MMP26: variants seen among roughly 807,000 people sequenced by gnomAD.
The protein encoded by MMP26 is matrix metalloproteinase-26.
MMP26 carries 33 observed loss-of-function variants against 31.0 expected under a neutral mutation model. That is an observed-to-expected ratio of 1.06 (90% CI 0.81 to 1.42). The LOEUF is 1.42. Among genes scored for constraint, MMP26 ranks in the 40% most tolerant of loss-of-function variants. MMP26 has a pLI of 0.00. For missense variants in MMP26, 347 were observed against 316.1 expected (o/e 1.10, Z -0.74); for synonymous variants, 122 against 114.9 (o/e 1.06, Z -0.40).
chr11:4,946,879 A>C (rs1364078693), intron 2 of MMP26: 1 of 1,606,088 alleles, frequency 6.2e-7, no homozygotes, highest in East Asian at 2.2e-5. Flanking sequence ...ATAAAGACAA[A>C]CCCAAGTCTG....
intron 2 of MMP26, among the ~76,000 whole-genome samples, chr11:4,910,393 A>C (rs927292351): frequency 5.3e-5 from 8 of 152,126 alleles, no homozygotes; most frequent in Non-Finnish European, 4.4e-5. Flanking sequence ...CAGTCTGCAA[A>C]GTATCATTTT....
chr11:4,821,241 T>C, intron 2 of MMP26: 2 of 685,014 alleles, frequency 2.9e-6, no homozygotes, highest in South Asian at 3.7e-5. Context: ...TGTGAAACAC[T>C]GACAGACTTG....
chr11:4,891,864 G>T (rs1850628583), intron 2 of MMP26, among the ~76,000 whole-genome samples: 1 of 152,068 alleles, frequency 6.6e-6, no homozygotes, highest in African/African-American at 2.4e-5. Context: ...AGATGAAGTG[G>T]GTTGGTACTG....
intron 2 of MMP26, among the ~76,000 whole-genome samples, chr11:4,770,567 C>T (rs1848702602): frequency 6.6e-6 from 1 of 152,142 alleles, no homozygotes; most frequent in Middle Eastern, 3.2e-3. Flanking sequence ...CCAAAAGAGG[C>T]TGGGCAGGTG....
chr11:4,778,378 C>T (rs927246617), intron 2 of MMP26, among the ~76,000 whole-genome samples: 7 of 151,934 alleles, frequency 4.6e-5, no homozygotes, highest in African/African-American at 1.7e-4. Flanking sequence ...ATCTGGTATT[C>T]GTTATTAAAA....
intron 2 of MMP26, among the ~76,000 whole-genome samples, chr11:4,799,706 A>G (rs529797227): frequency 1.3e-5 from 2 of 152,270 alleles, no homozygotes; most frequent in African/African-American, 4.8e-5. Flanking sequence ...CCTTTCACCT[A>G]TGAGCCTGTA....
chr11:4,732,365 C>T lies in MMP26; in HGVS notation c.-217+27320C>T, dbSNP rs147650439. Among the ~76,000 whole-genome samples, 254 of 151,914 alleles carry T rather than the reference C, an allele frequency of 1.7e-3. 2 individuals carry two copies. Among genetic ancestry groups the T allele is most frequent in the African/African-American group, 5.7e-3 (236 of 41,434 alleles). ...AGGCTAGGAATTAAAGATTACCTTC[C>T]TTATGGAATCTTTAATTCTTTTTTA... is the stretch of plus-strand genomic sequence containing the variant. On this transcript the variant is annotated intron_variant, in intron 1 of 7. Coordinates refer to ENST00000380390, the MANE Select transcript of MMP26 (RefSeq NM_021801.5).
chr11:4,751,629 T>C (rs1848447888), intron 1 of MMP26, among the ~76,000 whole-genome samples: 1 of 152,144 alleles, frequency 6.6e-6, no homozygotes, highest in Admixed American at 6.6e-5. Context: ...CCTAAATTGT[T>C]GAGGAAATTA....
intron 2 of MMP26, among the ~76,000 whole-genome samples, chr11:4,959,483 C>T (rs1037157727): frequency 3.3e-5 from 5 of 152,008 alleles, no homozygotes; most frequent in Admixed American, 6.6e-5. Context: ...ACAATCCCTG[C>T]CCTCTCTTCT....
intron 2 of MMP26, among the ~76,000 whole-genome samples, chr11:4,837,737 C>G (rs1458984116): frequency 6.6e-6 from 1 of 151,826 alleles, no homozygotes. Context: ...AAGGTTCTGA[C>G]AGAATTGGTG....
At position 4,955,964 on chromosome 11, in the gene MMP26, G is replaced by A. The variant is rs1846437896; in HGVS notation, c.-144-32104G>A. On this transcript the variant is annotated intron_variant, in intron 2 of 7. Coordinates refer to ENST00000380390, the MANE Select transcript of MMP26 (RefSeq NM_021801.5). ...CATTGGGAAAATTATTTCTGGACATGTTATTTCTATAGAGAATCCAGGTTT... is the reference window on the plus strand; with the variant it reads ...CATTGGGAAAATTATTTCTGGACATATTATTTCTATAGAGAATCCAGGTTT... Among the ~76,000 whole-genome samples, 3 of 152,164 alleles carry A rather than the reference G, an allele frequency of 2.0e-5. No homozygotes were observed. The South Asian group carries it at 6.2e-4, about 32-fold the overall frequency.
At chr11:4,832,197 T>G (rs959349278) in intron 2 of MMP26, 1 of 184,414 alleles carries the variant, frequency 5.4e-6, no homozygotes, top group African/African-American at 2.4e-5. Flanking sequence ...ATACCAGGAC[T>G]TGAGCATGCA....
chr11:4,830,984 A>G (rs1427685072), intron 2 of MMP26, among the ~76,000 whole-genome samples: 2 of 152,242 alleles, frequency 1.3e-5, no homozygotes, highest in South Asian at 2.1e-4. Flanking sequence ...TATGGGATGC[A>G]TAACAAGGAT....
chr11:4,861,309 T>C (rs1850154733), intron 2 of MMP26, among the ~76,000 whole-genome samples: 1 of 150,558 alleles, frequency 6.6e-6, no homozygotes, highest in Non-Finnish European at 1.5e-5. Context: ...TATATACATA[T>C]ATGCTTCTAT....
intron 2 of MMP26, chr11:4,889,862 A>C (rs934662508): frequency 6.1e-6 from 1 of 162,792 alleles, no homozygotes; most frequent in East Asian, 1.7e-4. Flanking sequence ...TCCAATTCCC[A>C]TGATCGTCTT....
At chr11:4,723,911 G>A (rs11033543) in intron 1 of MMP26, 136,934 of 1,004,632 alleles carry the variant, frequency 0.14, 11,310 homozygotes, top group Middle Eastern at 0.18. Flanking sequence ...TCCTGGGTGC[G>A]CATGGCCTGG....
chr11:4,874,565 G>GGTGT (rs35692032), intron 2 of MMP26, among the ~76,000 whole-genome samples: 14,390 of 149,070 alleles, frequency 0.097, 874 homozygotes, highest in Middle Eastern at 0.19. Context: ...GTGGTGTGTT[G>GGTGT]GTGTGTGTGT....
intron 2 of MMP26, among the ~76,000 whole-genome samples, chr11:4,964,049 A>T (rs1170024489): frequency 1.3e-5 from 2 of 152,024 alleles, no homozygotes; most frequent in Non-Finnish European, 2.9e-5. Context: ...AATTTCTCTC[A>T]TTATGTAGGT....
At chr11:4,900,481 GC>G (rs2133558102) in intron 2 of MMP26, among the ~76,000 whole-genome samples, 1 of 152,252 alleles carries the variant, frequency 6.6e-6, no homozygotes, top group South Asian at 2.1e-4. Context: ...AGTTTTATCA[GC>G]CTTGTTGAGT....
Sources: allele counts gnomAD v4.1 joint callset (sites outside exome capture counted in the v4.1 genomes callset), GRCh38; gene constraint gnomAD v4.1.1; transcripts MANE v1.5; gene names NCBI Gene and HGNC (gene_info 2026-07-23, HGNC 2026-07-21).